GON4L: variants seen among roughly 807,000 people sequenced by gnomAD.
GON4L encodes the protein GON-4-like protein.
A neutral mutation model predicts 211.8 loss-of-function variants in GON4L; 87 were observed. The ratio of observed to expected loss-of-function variants is 0.41; its 90% CI spans 0.35 to 0.49. The LOEUF (loss-of-function observed/expected upper bound fraction) is 0.49, where lower values mean the gene tolerates loss of function less well. GON4L is among the 20% of genes least tolerant of loss of function. The pLI, the probability that GON4L is intolerant of heterozygous loss-of-function variation, is 0.15. For synonymous variants in GON4L, 875 were observed against 962.6 expected, an observed-to-expected ratio of 0.91 and a Z score of 1.68; for missense variants, 2,155 against 2,659.5, an observed-to-expected ratio of 0.81 and a Z score of 4.17.
At chr1:155,855,470 C>T (rs1249270955) in intron 1 of GON4L, among the ~76,000 whole-genome samples, 1 of 152,082 alleles carries the variant, frequency 6.6e-6, no homozygotes, top group Non-Finnish European at 1.5e-5. Context: ...AATGCTCCCA[C>T]CTCAGCCTCC....
Position 155,757,245 on chromosome 1 carries a change from G to GC in GON4L, c.5331dup (p.Arg1778AlafsTer5), listed in dbSNP as rs778334522. ...TCACCCATCCGGCTAGCTGCTGGGC[G>GC]CAAGTGGTCAAAGAAGATAGAAAAC... On this transcript the variant is annotated frameshift_variant, in exon 26 of 32. Transcript: ENST00000368331. LOFTEE classifies it high-confidence loss of function. The GC allele has an allele frequency of 1.2e-6, 2 of 1,613,938 alleles. No individual in the cohort carries two copies. Among genetic ancestry groups the GC allele is most frequent in the Admixed American group, 1.7e-5 (1 of 60,008 alleles).
rs892272115 is a variant in GON4L at position 155,766,261 on chromosome 1, G to A, written c.3212C>T (p.Ala1071Val). Residue 1071 changes from alanine to valine, a missense_variant, in exon 21 of 32, where the codon GCA (alanine) becomes GTA (valine). Ala to Val is a moderately conservative substitution (Grantham distance 64, BLOSUM62 0). Around this residue, in one of 6 missense-constraint regions of GON4L, gnomAD observed 615 missense variants for 625.7 expected, o/e 0.98. Transcript: ENST00000368331. ...SGGESFESPA[A>V]LPAVPPEART... ...GGCCTCAGGGGGCACAGCAGGCAGT[G>A]CTGCAGGAGACTCAAAACTCTCACC... 16 of 1,614,024 alleles carry A rather than the reference G, an allele frequency of 9.9e-6. No individual in the cohort carries two copies. Among genetic ancestry groups the A allele is most frequent in the Non-Finnish European group, 1.4e-5 (16 of 1,180,032 alleles).
At chr1:155,759,367 T>TC (rs1304492251) in intron 24 of GON4L, among the ~76,000 whole-genome samples, 1 of 151,902 alleles carries the variant, frequency 6.6e-6, no homozygotes, top group Non-Finnish European at 1.5e-5. Context: ...AGGTCTGGAG[T>TC]TCGAGACCAG....
At chr1:155,829,775 T>G (rs1042438070) in intron 2 of GON4L, among the ~76,000 whole-genome samples, 3 of 152,000 alleles carry the variant, frequency 2.0e-5, no homozygotes, top group Admixed American at 6.6e-5. Context: ...TCTTTTAGCA[T>G]CCAGCATATC....
chr1:155,770,709 T>C (rs1049853124), intron 19 of GON4L, among the ~76,000 whole-genome samples: 3 of 151,742 alleles, frequency 2.0e-5, no homozygotes, highest in African/African-American at 7.3e-5. Flanking sequence ...ATTAGCCAGG[T>C]GTGGTGGTGC....
intron 23 of GON4L, among the ~76,000 whole-genome samples, chr1:155,760,964 C>G (rs1033144755): frequency 5.9e-5 from 9 of 152,262 alleles, no homozygotes; most frequent in Middle Eastern, 3.4e-3. Flanking sequence ...AAATAGGTAA[C>G]ATGTGTTTGT....
At chr1:155,761,871 C>A (rs966266567) in intron 23 of GON4L, among the ~76,000 whole-genome samples, 1 of 152,154 alleles carries the variant, frequency 6.6e-6, no homozygotes, top group South Asian at 2.1e-4. Context: ...TCTTCTCAAG[C>A]CAAAGGTTCT....
At chr1:155,808,650 A>C (rs1667393885) in intron 10 of GON4L, among the ~76,000 whole-genome samples, 1 of 150,982 alleles carries the variant, frequency 6.6e-6, no homozygotes, top group Non-Finnish European at 1.5e-5. Flanking sequence ...TGTTTTTTTG[A>C]CAGTCTTGCT....
At chr1:155,789,371 C>T (rs76659389) in intron 12 of GON4L, among the ~76,000 whole-genome samples, 9,977 of 151,998 alleles carry the variant, frequency 0.066, 407 homozygotes, top group African/African-American at 0.11. Flanking sequence ...TAGGCTCATG[C>T]CTGTAAACCC....
chr1:155,772,366 C>T (rs1663282789), intron 18 of GON4L, among the ~76,000 whole-genome samples: 1 of 151,994 alleles, frequency 6.6e-6, no homozygotes, highest in African/African-American at 2.4e-5. Context: ...TAAACCGGCA[C>T]CAATACTACC....
At chr1:155,789,165 A>T (rs1665263594) in intron 12 of GON4L, among the ~76,000 whole-genome samples, 1 of 152,046 alleles carries the variant, frequency 6.6e-6, no homozygotes, top group Admixed American at 6.6e-5. Context: ...GGGCATGAGG[A>T]AACTTCCTGG....
chr1:155,827,058 T>G lies in GON4L; in HGVS notation c.506-30A>C, dbSNP rs201284810. 27 of 1,499,034 alleles carry G rather than the reference T, an allele frequency of 1.8e-5. No individual in the cohort carries two copies. In the East Asian group the frequency reaches 5.9e-4, roughly 33 times the overall value. The allele number at this position is 1,499,034 out of a possible 1,614,324, so 92.9% of individuals were successfully genotyped here. Reference sequence around the variant, plus strand: ...AAGAATCACAAATATTGCTCCACACTTTGACCATTCTCAGTCATACTCTGT... The same window carrying G: ...AAGAATCACAAATATTGCTCCACACGTTGACCATTCTCAGTCATACTCTGT... On this transcript the variant is annotated intron_variant, in intron 2 of 31. Coordinates refer to ENST00000368331, the MANE Select transcript of GON4L (RefSeq NM_001282860.2).
At chr1:155,759,362 T>C (rs553166501) in intron 24 of GON4L, among the ~76,000 whole-genome samples, 1 of 152,016 alleles carries the variant, frequency 6.6e-6, no homozygotes, top group African/African-American at 2.4e-5. Context: ...ACCTGAGGTC[T>C]GGAGTTCGAG....
At chr1:155,777,115 T>C (rs1663892510) in intron 15 of GON4L, among the ~76,000 whole-genome samples, 1 of 152,240 alleles carries the variant, frequency 6.6e-6, no homozygotes, top group Non-Finnish European at 1.5e-5. Context: ...TATTTCTGAA[T>C]ACCATTAGTG....
intron 2 of GON4L, among the ~76,000 whole-genome samples, chr1:155,834,824 C>T (rs1400167407): frequency 6.6e-6 from 1 of 152,038 alleles, no homozygotes; most frequent in African/African-American, 2.4e-5. Context: ...AAATCCGCCC[C>T]TTCGCCTCTG....
intron 14 of GON4L, among the ~76,000 whole-genome samples, chr1:155,782,851 G>C (rs144582079): frequency 1.3e-5 from 2 of 151,900 alleles, no homozygotes; most frequent in Admixed American, 1.3e-4. Flanking sequence ...GTAGAGATGG[G>C]GTTTCACCAT....
In GON4L at chr1:155,764,808, T is replaced by C. The variant is rs558252059; in HGVS notation, c.4473+192A>G. The C allele has an allele frequency of 5.0e-6, 7 of 1,403,608 alleles. No individual in the cohort carries two copies. In the East Asian group the frequency reaches 1.4e-4, roughly 28 times the overall value. The allele number at this position is 1,403,608 out of a possible 1,614,324, so 86.9% of individuals were successfully genotyped here. A position where few individuals can be genotyped will look rare whatever the true frequency, so the allele number is the denominator to read the frequency against. On this transcript the variant is annotated intron_variant, in intron 21 of 31. Transcript: ENST00000368331. Reference sequence around the variant, plus strand: ...ATTTAATGTGTAAACGAGTTTAATATAATAAGTAAAATTTCATCCTTTCCA... The same window carrying C: ...ATTTAATGTGTAAACGAGTTTAATACAATAAGTAAAATTTCATCCTTTCCA...
chr1:155,766,169 G>C lies in GON4L; in HGVS notation c.3304C>G (p.Leu1102Val). ...AACTTAGAAGGGGCAAGGGAGGGCA[G>C]CATTACCTTGGGCACAGGGGCAGAA... Reference protein sequence around the residue: ...LSSAPVPKVMLPSLAPSKFRK... With the variant: ...LSSAPVPKVMVPSLAPSKFRK... The change falls in exon 21 of 32, where the codon CTG (leucine) becomes GTG (valine). Residue 1102 changes from leucine (L) to valine (V), a missense_variant. Leu to Val is a conservative substitution (Grantham distance 32). Around this residue, in one of 6 missense-constraint regions of GON4L, gnomAD observed 615 missense variants for 625.7 expected, o/e 0.98. Coordinates refer to ENST00000368331, the MANE Select transcript of GON4L (RefSeq NM_001282860.2). 1 of 1,614,118 alleles carries C rather than the reference G, an allele frequency of 6.2e-7. No individual in the cohort carries two copies. Among genetic ancestry groups the C allele is most frequent in the Non-Finnish European group, 8.5e-7 (1 of 1,180,010 alleles).
chr1:155,834,154 A>G (rs1475899095), intron 2 of GON4L, among the ~76,000 whole-genome samples: 2 of 152,010 alleles, frequency 1.3e-5, no homozygotes, highest in African/African-American at 4.8e-5. Context: ...GCTTCATATA[A>G]TGTCCTTTCC....
Sources: gnomAD v4.1 joint callset for allele counts (sites outside exome capture counted in the v4.1 genomes callset) on GRCh38, gnomAD v4.1.1 for gene constraint, gnomAD v4.1.1 regional missense constraint, MANE v1.5 for transcripts, NCBI Gene and HGNC (gene_info 2026-07-23, HGNC 2026-07-21) for gene names.